The following TMEM182 variants were observed in gnomAD, a reference collection of about 807,000 sequenced individuals.
The protein encoded by TMEM182 is transmembrane protein 182.
TMEM182 carries 20 observed loss-of-function variants against 26.8 expected under a neutral mutation model. The observed-to-expected ratio is 0.75, with a 90% CI of 0.53 to 1.09. TMEM182 has a LOEUF of 1.09. Ranked by LOEUF, TMEM182 falls within the 50% of genes least tolerant of loss-of-function variation. The probability of loss-of-function intolerance (pLI) is 0.00; values close to 1 mark genes in which losing one functional copy is unlikely to be tolerated. For synonymous variants in TMEM182, 109 were observed against 102.2 expected, an observed-to-expected ratio of 1.07 and a Z score of -0.40; for missense variants, 277 against 275.5, an observed-to-expected ratio of 1.01 and a Z score of -0.04.
chr2:102,827,860 A>C (rs1426845533), intron 3 of TMEM182, among the ~76,000 whole-genome samples: 1 of 152,098 alleles, frequency 6.6e-6, no homozygotes, highest in Non-Finnish European at 1.5e-5. Flanking sequence ...TAATCCCAGC[A>C]CTTTGGGATC....
At chr2:102,784,302 A>G (rs1383265087) in intron 3 of TMEM182, among the ~76,000 whole-genome samples, 2 of 152,116 alleles carry the variant, frequency 1.3e-5, no homozygotes, top group African/African-American at 2.4e-5. Flanking sequence ...AGAAAAAAGC[A>G]TCAGGAAAAT....
At chr2:102,749,120 G>A (rs569668797) in intron 1 of TMEM182, among the ~76,000 whole-genome samples, 10 of 152,046 alleles carry the variant, frequency 6.6e-5, no homozygotes, top group Admixed American at 6.6e-4. Context: ...TCTCACTTTG[G>A]TTTACAATGT....
At position 102,815,854 on chromosome 2, in the gene TMEM182, A is replaced by G. The variant is rs896873752; in HGVS notation, c.*886A>G. 2.2e-6 allele frequency: 2 copies of G among 912,494 alleles called. No individual in the cohort carries two copies. The highest frequency in any genetic ancestry group is 3.6e-5 in the African/African-American group (2 of 55,702). 56.5% of individuals were successfully genotyped at this position (912,494 alleles called of 1,614,324 possible). A position where few individuals can be genotyped will look rare whatever the true frequency, so the allele number is the denominator to read the frequency against. ...AATTTATTGATAAAATGTGATTTTAATATTTTTTAGATATAAACTTTCAAC... is the reference window on the plus strand; with the variant it reads ...AATTTATTGATAAAATGTGATTTTAGTATTTTTTAGATATAAACTTTCAAC... On this transcript the variant is annotated 3_prime_UTR_variant, in exon 5 of 5. Transcript: ENST00000412401.
chr2:102,760,002 T>C (rs950525021), upstream of TMEM182, among the ~76,000 whole-genome samples: 24 of 152,180 alleles, frequency 1.6e-4, 1 homozygote, highest in Non-Finnish European at 7.3e-5. Context: ...AAATAACATA[T>C]TCATAGATTA....
rs1460033838 is a variant in TMEM182, at chr2:102,815,092, A to C, written c.*124A>C. ...TAACTTTTTAGTTGCTATTCAAATT[A>C]ATCATTTTACTAAAATTTTCTTCAG... On this transcript the variant is annotated 3_prime_UTR_variant, in exon 5 of 5. Coordinates refer to ENST00000412401, the MANE Select transcript of TMEM182 (RefSeq NM_144632.5). 1 of 1,451,246 alleles carries C rather than the reference A, an allele frequency of 6.9e-7. No homozygotes were observed. Among genetic ancestry groups the C allele is most frequent in the Non-Finnish European group, 9.0e-7 (1 of 1,110,074 alleles). 89.9% of individuals were successfully genotyped at this position (1,451,246 alleles called of 1,614,324 possible).
At chr2:102,768,329 CT>C (rs1680535137) in intron 3 of TMEM182, among the ~76,000 whole-genome samples, 2 of 151,962 alleles carry the variant, frequency 1.3e-5, no homozygotes, top group African/African-American at 4.8e-5. Context: ...TACTGATGCC[CT>C]AAGTCACTAT....
chr2:102,822,922 G>C (rs941988856), intron 3 of TMEM182, among the ~76,000 whole-genome samples: 1 of 151,998 alleles, frequency 6.6e-6, no homozygotes, highest in Admixed American at 6.6e-5. Flanking sequence ...GAAAGAAGAA[G>C]AACCAACCAA....
chr2:102,769,349 C>T (rs2540290), intron 3 of TMEM182, among the ~76,000 whole-genome samples: 36,393 of 151,856 alleles, frequency 0.24, 4,425 homozygotes, highest in South Asian at 0.28. Flanking sequence ...AAATTGGTAG[C>T]CAAACAAAAA....
chr2:102,806,649 G>A lies in TMEM182; in HGVS notation c.470-8099G>A, dbSNP rs528550786. 1.2e-3 allele frequency among the ~76,000 whole-genome samples: 176 copies of A among 152,216 alleles called. 1 individual carries two copies. Among genetic ancestry groups the A allele is most frequent in the African/African-American group, 3.7e-3 (155 of 41,514 alleles). The stretch of plus-strand genomic sequence containing the variant: ...ATTTGCTAACCATTAGCAGGAGCTC[G>A]TGCCAAAGCTTAATAATAATAATAA... On this transcript the variant is annotated intron_variant, in intron 4 of 4. Transcript: ENST00000412401.
At chr2:102,843,241 C>A (rs1304113282) in intron 3 of TMEM182, among the ~76,000 whole-genome samples, 1 of 152,188 alleles carries the variant, frequency 6.6e-6, no homozygotes, top group Admixed American at 6.5e-5. Context: ...CACTTAGAGT[C>A]AGTCCCTCTT....
intron 3 of TMEM182, among the ~76,000 whole-genome samples, chr2:102,830,721 GA>G (rs1683133500): frequency 6.6e-6 from 1 of 152,070 alleles, no homozygotes; most frequent in Non-Finnish European, 1.5e-5. Flanking sequence ...TTAAGTTATT[GA>G]AAAATATACA....
chr2:102,829,808 G>T (rs891996488), intron 3 of TMEM182, among the ~76,000 whole-genome samples: 2 of 152,070 alleles, frequency 1.3e-5, no homozygotes, highest in East Asian at 1.9e-4. Context: ...TTTTTGTGAG[G>T]CTTTCCCTTC....
intron 4 of TMEM182, among the ~76,000 whole-genome samples, chr2:102,806,933 T>TA (rs1682370512): frequency 6.6e-6 from 1 of 152,214 alleles, no homozygotes; most frequent in Admixed American, 6.5e-5. Flanking sequence ...AATCACATCC[T>TA]ACTTCCTGAA....
At chr2:102,813,442 C>T (rs530644770) in intron 4 of TMEM182, among the ~76,000 whole-genome samples, 8 of 152,166 alleles carry the variant, frequency 5.3e-5, no homozygotes, top group Admixed American at 6.5e-5. Flanking sequence ...AGATTTTATA[C>T]CTAACAGTTC....
At chr2:102,780,852 T>C (rs556294573) in intron 3 of TMEM182, among the ~76,000 whole-genome samples, 1 of 152,254 alleles carries the variant, frequency 6.6e-6, no homozygotes, top group South Asian at 2.1e-4. Context: ...TTTCTAAAAG[T>C]TTTTTGCCTT....
intron 2 of TMEM182, among the ~76,000 whole-genome samples, 183 bp downstream of exon 2, chr2:102,762,869 TA>T (rs1449940061): frequency 6.6e-6 from 1 of 152,198 alleles, no homozygotes; most frequent in East Asian, 1.9e-4. Flanking sequence ...TAGGAATAAT[TA>T]TTTTATCTTT....
chr2:102,836,863 C>T (rs1170393145), intron 3 of TMEM182, among the ~76,000 whole-genome samples: 1 of 152,172 alleles, frequency 6.6e-6, no homozygotes, highest in Non-Finnish European at 1.5e-5. Flanking sequence ...CAGTCCTTGG[C>T]CTTATACTGG....
chr2:102,768,096 C>T (rs1212422383), intron 3 of TMEM182, among the ~76,000 whole-genome samples: 1 of 152,162 alleles, frequency 6.6e-6, no homozygotes, highest in Non-Finnish European at 1.5e-5. Flanking sequence ...CTGGGCCATG[C>T]TCTCCTTTAT....
downstream of TMEM182, among the ~76,000 whole-genome samples, chr2:102,821,772 T>A (rs535820554): frequency 2.6e-5 from 4 of 152,050 alleles, no homozygotes; most frequent in East Asian, 7.8e-4. Context: ...GCAGATCACG[T>A]GGTCAGGAGA....
Sources: allele counts gnomAD v4.1 joint callset (sites outside exome capture counted in the v4.1 genomes callset), GRCh38; gene constraint gnomAD v4.1.1; transcripts MANE v1.5; gene names NCBI Gene and HGNC (gene_info 2026-07-23, HGNC 2026-07-21).